CDH18: variants seen among roughly 807,000 people sequenced by gnomAD.
CDH18 encodes the protein cadherin-18.
A neutral mutation model predicts 67.9 loss-of-function variants in CDH18; 31 were observed. That is an observed-to-expected ratio of 0.46 (90% confidence interval 0.34 to 0.62). The LOEUF (loss-of-function observed/expected upper bound fraction) is 0.62. Ranked by LOEUF, CDH18 falls within the 20% of genes least tolerant of loss-of-function variation. CDH18 has a pLI of 0.01. For synonymous variants in CDH18, 362 were observed against 347.2 expected (o/e 1.04, Z -0.48); for missense variants, 890 against 975.5 (o/e 0.91, Z 1.17).
At chr5:20,115,492 T>C (rs1747823444) in intron 2 of CDH18, among the ~76,000 whole-genome samples, 1 of 151,816 alleles carries the variant, frequency 6.6e-6, no homozygotes, top group Non-Finnish European at 1.5e-5. Context: ...TTGGCCATGA[T>C]GGTCTTGATT....
At chr5:20,199,929 C>T (rs1561871404) in intron 2 of CDH18, among the ~76,000 whole-genome samples, 1 of 152,152 alleles carries the variant, frequency 6.6e-6, no homozygotes, top group Non-Finnish European at 1.5e-5. Context: ...TCCCCTTTAT[C>T]TTCTGCTATG....
intron 6 of CDH18, among the ~76,000 whole-genome samples, chr5:19,603,677 A>C (rs924141497): frequency 6.6e-6 from 1 of 151,386 alleles, no homozygotes; most frequent in Non-Finnish European, 1.5e-5. Flanking sequence ...TACTACCAAA[A>C]TATATAATTA....
intron 2 of CDH18, among the ~76,000 whole-genome samples, chr5:20,228,381 C>A (rs185696199): frequency 8.6e-5 from 13 of 152,016 alleles, no homozygotes; most frequent in Admixed American, 2.6e-4. Context: ...TTATTGTGTA[C>A]AACATGATGT....
intron 2 of CDH18, among the ~76,000 whole-genome samples, chr5:19,909,513 G>A (rs1242274240): frequency 1.3e-5 from 2 of 151,820 alleles, no homozygotes; most frequent in Non-Finnish European, 2.9e-5. Context: ...TAACCAGGCT[G>A]GTCTCAAACT....
At chr5:20,339,106 C>T (rs2150040374) in intron 1 of CDH18, among the ~76,000 whole-genome samples, 1 of 152,128 alleles carries the variant, frequency 6.6e-6, no homozygotes, top group South Asian at 2.1e-4. Flanking sequence ...CCTTTTCTCC[C>T]CTCTCTTTCT....
In CDH18 at chr5:19,571,835, G is replaced by C; in HGVS notation, c.1000-3C>G. ...TTCTTTTTCTCATAGTTCAGTGGCT[G>C]TGGGGAAAAAAAATAAGATTATGAC... On this transcript the variant is annotated splice_polypyrimidine_tract_variant and splice_region_variant and intron_variant, in intron 7 of 12. Transcript: ENST00000382275. 1.3e-6 allele frequency: 2 copies of C among 1,597,768 alleles called. No homozygotes were observed. Among genetic ancestry groups the C allele is most frequent in the Non-Finnish European group, 1.7e-6 (2 of 1,170,670 alleles).
intron 3 of CDH18, among the ~76,000 whole-genome samples, chr5:19,765,401 T>TA (rs200973064): frequency 7.8e-3 from 390 of 50,110 alleles, no homozygotes; most frequent in East Asian, 0.039. Context: ...TTTTTATTTT[T>TA]TTTTTAATAA....
At chr5:20,495,542 T>C (rs890882122) in intron 1 of CDH18, among the ~76,000 whole-genome samples, 10 of 152,250 alleles carry the variant, frequency 6.6e-5, no homozygotes, top group African/African-American at 2.4e-4. Context: ...TTTCTCTATT[T>C]CCATCTCTAA....
intron 2 of CDH18, among the ~76,000 whole-genome samples, chr5:20,153,379 C>T (rs1751271630): frequency 6.6e-6 from 1 of 152,078 alleles, no homozygotes; most frequent in Non-Finnish European, 1.5e-5. Flanking sequence ...CTACCTTTTC[C>T]AATATGTGGG....
intron 8 of CDH18, among the ~76,000 whole-genome samples, chr5:19,568,543 T>C (rs886394257): frequency 2.0e-4 from 30 of 152,128 alleles, no homozygotes; most frequent in Admixed American, 2.6e-4. Context: ...ACCAAGACTA[T>C]GATAATTCTT....
At chr5:19,770,728 A>G (rs1465870282) in intron 3 of CDH18, among the ~76,000 whole-genome samples, 1 of 152,166 alleles carries the variant, frequency 6.6e-6, no homozygotes, top group Non-Finnish European at 1.5e-5. Flanking sequence ...GGAACTTCTA[A>G]TATTTCTCTG....
At chr5:19,478,621 C>G (rs1449979040) in intron 12 of CDH18, 1 of 152,200 alleles carries the variant, frequency 6.6e-6, no homozygotes, top group Non-Finnish European at 1.5e-5. Context: ...CAATCCATGT[C>G]TCACTTATGG....
intron 3 of CDH18, among the ~76,000 whole-genome samples, chr5:19,819,958 C>T (rs1022034282): frequency 2.0e-5 from 3 of 152,130 alleles, no homozygotes; most frequent in East Asian, 1.9e-4. Context: ...TTTCCAGTGG[C>T]CTGAGAGCAG....
chr5:20,194,242 T>C (rs1157775272), intron 2 of CDH18, among the ~76,000 whole-genome samples: 5 of 152,068 alleles, frequency 3.3e-5, no homozygotes, highest in Admixed American at 3.3e-4. Flanking sequence ...CCAAAACTCC[T>C]TGTGATAAGC....
At chr5:19,646,152 G>C (rs930671992) in intron 5 of CDH18, among the ~76,000 whole-genome samples, 1 of 152,064 alleles carries the variant, frequency 6.6e-6, no homozygotes, top group Non-Finnish European at 1.5e-5. Context: ...TTGGTGAACT[G>C]GTTGTAAAGT....
Position 20,175,029 on chromosome 5 carries a change from T to C in CDH18, c.-518+80415A>G, listed in dbSNP as rs974714061. Among the ~76,000 whole-genome samples the C allele has an allele frequency of 1.3e-5, 2 of 152,144 alleles. 1 individual carries two copies. Among genetic ancestry groups the C allele is most frequent in the Non-Finnish European group, 2.9e-5 (2 of 68,026 alleles). Reference sequence around the variant, plus strand: ...TACGTTTATTTTGTGACCAATATGGTCTAGACTGTGTCTGTTCAAGATATA... The same window carrying C: ...TACGTTTATTTTGTGACCAATATGGCCTAGACTGTGTCTGTTCAAGATATA... On this transcript the variant is annotated intron_variant, in intron 2 of 14. Coordinates refer to the CDH18 transcript ENST00000507958.
intron 2 of CDH18, among the ~76,000 whole-genome samples, chr5:20,098,097 G>A (rs575481546): frequency 3.4e-4 from 51 of 151,594 alleles, no homozygotes; most frequent in African/African-American, 1.2e-3. Flanking sequence ...AGTAATTTTT[G>A]TTAGAGACAA....
intron 9 of CDH18, among the ~76,000 whole-genome samples, chr5:19,532,055 T>C (rs1040480418): frequency 6.6e-6 from 1 of 152,212 alleles, no homozygotes; most frequent in African/African-American, 2.4e-5. Flanking sequence ...CACATTAAAA[T>C]GGTAATTTTA....
chr5:19,778,168 A>G (rs967711607), intron 3 of CDH18, among the ~76,000 whole-genome samples: 2 of 152,228 alleles, frequency 1.3e-5, no homozygotes, highest in African/African-American at 4.8e-5. Context: ...CAAAAACTAC[A>G]AAGTAGAAAC....
Sources: allele counts gnomAD v4.1 joint callset (sites outside exome capture counted in the v4.1 genomes callset), GRCh38; gene constraint gnomAD v4.1.1; transcripts MANE v1.5; gene names NCBI Gene and HGNC (gene_info 2026-07-23, HGNC 2026-07-21).